The following GLA variants were observed in gnomAD, a reference collection of about 807,000 sequenced individuals.
The protein encoded by GLA is alpha-galactosidase A.
GLA carries 4 observed loss-of-function variants against 28.2 expected under a neutral mutation model. That is an observed-to-expected ratio of 0.14 (90% CI 0.07 to 0.32). The LOEUF is 0.32. GLA is among the 10% of genes least tolerant of loss of function. The pLI, the probability that GLA is intolerant of heterozygous loss-of-function variation, is 1.00. For missense variants in GLA, 203 were observed against 323.7 expected (o/e 0.63, Z 2.86); for synonymous variants, 94 against 113.0 (o/e 0.83, Z 1.07).
intron 4 of GLA, 78 bp downstream of exon 4, chrX:101,400,588 A>G: frequency 1.7e-6 from 1 of 581,127 alleles, no homozygotes; most frequent in South Asian, 2.3e-5. Flanking sequence ...TTGGACTTTG[A>G]AGGAGACCTT....
In GLA at chrX:101,398,001, G is replaced by A. The variant is rs1207270634; in HGVS notation, c.1098C>T (p.Thr366=). The change falls in exon 7 of 7, where the codon ACC becomes ACT. Residue 366 remains threonine (T), a synonymous_variant. Transcript: ENST00000218516. ...RQEIGGPRSY[T]IAVASLGKGV... ...CTTTACCCAGGGAAGCAACTGCGAT[G>A]GTATAAGAGCGAGGTCCACCAATCT... 1 of 1,209,820 alleles carries A rather than the reference G, an allele frequency of 8.3e-7. No homozygotes were observed. Among genetic ancestry groups the A allele is most frequent in the Non-Finnish European group, 1.1e-6 (1 of 893,773 alleles).
intron 1 of GLA, among the ~76,000 whole-genome samples, chrX:101,406,465 C>T (rs1201067605): frequency 9.0e-6 from 1 of 111,047 alleles, no homozygotes; most frequent in Non-Finnish European, 1.9e-5. Context: ...GGGGGGAAAT[C>T]TTTATTTTCA....
chrX:101,401,577 A>G (rs1555985773), intron 3 of GLA, 55 bp downstream of exon 3: 1 of 1,016,310 alleles, frequency 9.8e-7, no homozygotes, highest in East Asian at 3.0e-5. Flanking sequence ...TGGCTCAGCT[A>G]CCATGGCCTC....
rs1171364737 is a variant in GLA, at chrX:101,404,566, C to CTTTTT, written c.195-586_195-582dup. Among the ~76,000 whole-genome samples the CTTTTT allele has an allele frequency of 1.0e-3, 83 of 79,172 alleles. 2 individuals carry two copies. The highest frequency in any genetic ancestry group is 3.2e-3 in the African/African-American group (59 of 18,721). The allele number at this position is 79,172 out of a possible 115,157, so 68.8% of individuals were successfully genotyped here. A position where few individuals can be genotyped will look rare whatever the true frequency, so the allele number is the denominator to read the frequency against. On this transcript the variant is annotated intron_variant, in intron 1 of 6. Transcript: ENST00000218516. ...AAGAGTACTTAGGTTTCCTTTTTAT[C>CTTTTT]TTTTTTTTTTTTTTTTTTTTTGAGA...
In GLA at chrX:101,406,039, C is replaced by G. The variant is rs782090350; in HGVS notation, c.194+1671G>C. Among the ~76,000 whole-genome samples the G allele has an allele frequency of 5.5e-5, 3 of 54,415 alleles. No individual in the cohort carries two copies. The Admixed American group carries it at 6.4e-4, about 12-fold the overall frequency. The allele number at this position is 54,415 out of a possible 115,157, so 47.3% of individuals were successfully genotyped here. Reference sequence around the variant, plus strand: ...CTAACATGGTGAAACCCCGTCTGTACTAAAAAAAAAAAAAAAAAAAAAAAG... The same window carrying G: ...CTAACATGGTGAAACCCCGTCTGTAGTAAAAAAAAAAAAAAAAAAAAAAAG... On this transcript the variant is annotated intron_variant, in intron 1 of 6. Transcript: ENST00000218516.
At chrX:101,399,527 G>A (rs1227716054) in intron 4 of GLA, among the ~76,000 whole-genome samples, 4 of 112,166 alleles carry the variant, frequency 3.6e-5, no homozygotes, top group African/African-American at 1.3e-4. Context: ...TGGCGCCACT[G>A]CACTCTAGCC....
intron 1 of GLA, among the ~76,000 whole-genome samples, chrX:101,406,407 T>C (rs782213949): frequency 2.7e-5 from 3 of 111,157 alleles, no homozygotes; most frequent in Admixed American, 9.6e-5. Context: ...AATTGTAAGG[T>C]TGTATATTAA....
rs1269629205 is a variant in GLA at position 101,398,458 on chromosome X, C to G, written c.911G>C (p.Ser304Thr). 8.3e-7 allele frequency: 1 copy of G among 1,206,435 alleles called. No homozygotes were observed. Among genetic ancestry groups the G allele is most frequent in the East Asian group, 3.0e-5 (1 of 33,821 alleles). ...LFMSNDLRHI[S>T]PQAKALLQDK... Reference sequence around the variant, plus strand: ...CTGAAGGAGAGCTTTGGCTTGAGGGCTGATGTGTCGGAGGTCATTAGACAT... The same window carrying G: ...CTGAAGGAGAGCTTTGGCTTGAGGGGTGATGTGTCGGAGGTCATTAGACAT... The change falls in exon 6 of 7, where the codon AGC becomes ACC. Residue 304 changes from serine to threonine, a missense_variant. Ser to Thr is a moderately conservative substitution (Grantham distance 58). Around this residue, in one of 3 missense-constraint regions of GLA, gnomAD observed 162 missense variants for 246.8 expected, o/e 0.66. Transcript: ENST00000218516.
At chrX:101,399,669 T>A (rs1928230216) in intron 4 of GLA, 1 of 112,521 alleles carries the variant, frequency 8.9e-6, no homozygotes, top group African/African-American at 3.2e-5. Context: ...ATTCCATAAA[T>A]AACTATTCAA....
chrX:101,402,590 T>C (rs915523658), intron 2 of GLA, among the ~76,000 whole-genome samples: 4 of 109,600 alleles, frequency 3.6e-5, no homozygotes, highest in Non-Finnish European at 7.6e-5. Flanking sequence ...TGGTGAAACC[T>C]TGTCTCTACT....
chrX:101,399,340 G>T (rs782008192), intron 4 of GLA, among the ~76,000 whole-genome samples: 1 of 112,687 alleles, frequency 8.9e-6, no homozygotes, highest in Non-Finnish European at 1.9e-5. Context: ...GCCGAGGCAG[G>T]TGGATCATCT....
rs148158093 is a variant in GLA at position 101,403,828 on chromosome X, G to A, written c.352C>T (p.Arg118Cys). The A allele has an allele frequency of 6.1e-4, 732 of 1,209,304 alleles. 2 individuals are homozygous for A. The highest frequency in any genetic ancestry group is 7.6e-4 in the Non-Finnish European group (683 of 894,088). Residue 118 changes from arginine (R) to cysteine (C), a missense_variant, in exon 2 of 7, where the codon CGC becomes TGC. Around this residue, in one of 3 missense-constraint regions of GLA, gnomAD observed 162 missense variants for 246.8 expected, o/e 0.66. Transcript: ENST00000218516. Reference sequence around the variant, plus strand: ...AAACTCACATAATTAGCTAGCTGGCGAATCCCATGAGGAAAGCGCTGAGGG... The same window carrying A: ...AAACTCACATAATTAGCTAGCTGGCAAATCCCATGAGGAAAGCGCTGAGGG... ...ADPQRFPHGIRQLANYVHSKG... is the reference protein window; with the variant it reads ...ADPQRFPHGICQLANYVHSKG...
chrX:101,399,522 C>T (rs781997287), intron 4 of GLA, among the ~76,000 whole-genome samples: 1 of 112,209 alleles, frequency 8.9e-6, no homozygotes, highest in African/African-American at 3.3e-5. Context: ...CGAGATGGCG[C>T]CACTGCACTC....
chrX:101,401,832 A>G, intron 2 of GLA, 23 bp from the exon 3 acceptor site: 1 of 1,181,614 alleles, frequency 8.5e-7, no homozygotes, highest in Non-Finnish European at 1.2e-6. Context: ...GGAGGAAAAG[A>G]GTCACCATTG....
At chrX:101,406,808 A>G (rs1315204246) in intron 1 of GLA, among the ~76,000 whole-genome samples, 1 of 112,736 alleles carries the variant, frequency 8.9e-6, no homozygotes, top group Non-Finnish European at 1.9e-5. Flanking sequence ...CTCCAGAAAA[A>G]TACACATATT....
At position 101,398,423 on chromosome X, in the gene GLA, C is replaced by T. The variant is rs142217511; in HGVS notation, c.946G>A (p.Val316Ile). ...QAKALLQDKD[V>I]IAINQDPLGK... is the part of the protein sequence containing the mutation. ...AAGGGGTCCTGATTGATGGCAATTA[C>T]GTCCTTATCCTGAAGGAGAGCTTTG... Residue 316 changes from valine (V) to isoleucine (I), a missense_variant, in exon 6 of 7, where the codon GTA becomes ATA. By Grantham distance (29) the Val-to-Ile change is conservative. Transcript: ENST00000218516. 13 of 1,209,766 alleles carry T rather than the reference C, an allele frequency of 1.1e-5. No individual in the cohort carries two copies. The highest frequency in any genetic ancestry group is 5.3e-5 in the South Asian group (3 of 56,913).
In GLA at chrX:101,398,113, A is replaced by G. The variant is rs397515868; in HGVS notation, c.1000-14T>C. 12 of 1,200,987 alleles carry G rather than the reference A, an allele frequency of 1.0e-5. No individual in the cohort carries two copies. Among genetic ancestry groups the G allele is most frequent in the Admixed American group, 2.2e-5 (1 of 45,867 alleles). On this transcript the variant is annotated splice_polypyrimidine_tract_variant and intron_variant, in intron 6 of 6. Transcript: ENST00000218516. ...AAAGTTGTCTCCCTGAAAAACCAAG[A>G]AAGTGTGGTTGCTTAGCAACTAGTG...
At chrX:101,401,088 A>T (rs869312333) in intron 3 of GLA, 1 of 180,971 alleles carries the variant, frequency 5.5e-6, no homozygotes, top group Non-Finnish European at 1.0e-5. Flanking sequence ...CACCCGCCTC[A>T]GCCTCCCAAA....
At chrX:101,406,060 AAAAG>A (rs1555986746) in intron 1 of GLA, among the ~76,000 whole-genome samples, 1 of 103,763 alleles carries the variant, frequency 9.6e-6, no homozygotes, top group Non-Finnish European at 2.0e-5. Flanking sequence ...AAAAAAAAAA[AAAAG>A]AGCCAGGCGT....
Sources: gnomAD v4.1 joint callset for allele counts (sites outside exome capture counted in the v4.1 genomes callset) on GRCh38, gnomAD v4.1.1 for gene constraint, gnomAD v4.1.1 regional missense constraint, MANE v1.5 for transcripts, NCBI Gene and HGNC (gene_info 2026-07-23, HGNC 2026-07-21) for gene names.